Variants in COL4A2 observed in about 807,000 individuals in gnomAD.
The protein encoded by COL4A2 is collagen type IV alpha 2 chain.
Under a neutral mutation model 200.2 loss-of-function variants are expected in COL4A2, and 99 were observed. The ratio of observed to expected loss-of-function variants is 0.49; its 90% CI spans 0.42 to 0.58. COL4A2 has a LOEUF of 0.58. Ranked by LOEUF, COL4A2 falls within the 20% of genes least tolerant of loss-of-function variation. The pLI, the probability that COL4A2 is intolerant of heterozygous loss-of-function variation, is 0.00. For synonymous variants in COL4A2, 897 were observed against 900.6 expected (o/e 1.00, Z 0.07); for missense variants, 1,950 against 2,314.1 (o/e 0.84, Z 3.23).
At position 110,450,324 on chromosome 13, in the gene COL4A2, G is replaced by A. The variant is rs775959840; in HGVS notation, c.1209G>A (p.Pro403=). The change falls in exon 20 of 48, where the codon CCG becomes CCA. Residue 403 remains proline, a synonymous_variant. Coordinates refer to ENST00000360467, the MANE Select transcript of COL4A2 (RefSeq NM_001846.4). ...IGDGDQRRGL[P]GEMGPKGFIG... ...TTTCAGATCAGAGGAGAGGCCTGCC[G>A]GGTGAGATGGGACCCAAGGGCTTCA... is the stretch of plus-strand genomic sequence containing the variant. 69 of 1,613,702 alleles carry A rather than the reference G, an allele frequency of 4.3e-5. No individual in the cohort carries two copies. The highest frequency in any genetic ancestry group is 2.7e-4 in the South Asian group (25 of 91,080).
chr13:110,438,583 G>A (rs1171589340), intron 14 of COL4A2, 35 bp from the exon 15 acceptor site: 2 of 1,614,014 alleles, frequency 1.2e-6, no homozygotes, highest in East Asian at 2.2e-5. Context: ...GGCCGCCCCT[G>A]GGTTGCTCCT....
At chr13:110,461,622 G>C (rs1454155068) in intron 22 of COL4A2, among the ~76,000 whole-genome samples, 2 of 152,188 alleles carry the variant, frequency 1.3e-5, no homozygotes, top group Non-Finnish European at 2.9e-5. Context: ...CCTGTTTCAA[G>C]TGACTCTCCT....
chr13:110,375,976 G>A (rs1457887145), intron 4 of COL4A2, among the ~76,000 whole-genome samples: 1 of 152,106 alleles, frequency 6.6e-6, no homozygotes, highest in African/African-American at 2.4e-5. Flanking sequence ...AGTAAATTAA[G>A]GCTTTGTCAG....
intron 37 of COL4A2, among the ~76,000 whole-genome samples, 184 bp downstream of exon 37, chr13:110,491,524 G>C (rs937582189): frequency 3.3e-5 from 5 of 152,202 alleles, no homozygotes; most frequent in East Asian, 3.8e-4. Flanking sequence ...CACCTGGGCT[G>C]GGGGGAGACC....
At chr13:110,376,489 T>G (rs1484589395) in intron 4 of COL4A2, among the ~76,000 whole-genome samples, 2 of 152,092 alleles carry the variant, frequency 1.3e-5, no homozygotes, top group Admixed American at 6.5e-5. Flanking sequence ...CAAAAAAAAA[T>G]CACTATTTTT....
At chr13:110,439,706 AC>A in intron 15 of COL4A2, 82 bp from the exon 16 acceptor site, 1 of 1,601,172 alleles carries the variant, frequency 6.2e-7, no homozygotes, top group Non-Finnish European at 8.5e-7. Context: ...TGCTGTGATC[AC>A]AGCCAGGTGC....
intron 29 of COL4A2, among the ~76,000 whole-genome samples, chr13:110,477,358 G>T (rs1882741488): frequency 1.3e-5 from 2 of 152,344 alleles, no homozygotes; most frequent in South Asian, 4.1e-4. Context: ...CAGTGCTAAC[G>T]CTCAGTGCTG....
intron 4 of COL4A2, among the ~76,000 whole-genome samples, chr13:110,384,251 G>T (rs1018183549): frequency 6.6e-6 from 1 of 152,202 alleles, no homozygotes; most frequent in Admixed American, 6.5e-5. Context: ...GGAAGACCTG[G>T]AAGGATATTC....
chr13:110,455,002 C>T (rs2139486442), intron 20 of COL4A2, among the ~76,000 whole-genome samples: 1 of 152,290 alleles, frequency 6.6e-6, no homozygotes, highest in Non-Finnish European at 1.5e-5. Context: ...GCTACTCTGC[C>T]TACCTCACCC....
chr13:110,455,784 C>A (rs9521777), intron 20 of COL4A2, among the ~76,000 whole-genome samples: 14,278 of 152,260 alleles, frequency 0.094, 754 homozygotes, highest in Middle Eastern at 0.16. Flanking sequence ...GACTTGCAAA[C>A]TCCCGTGCTC....
Position 110,506,526 on chromosome 13 carries a change from C to A in COL4A2, c.4514C>A (p.Pro1505Gln). Residue 1505 changes from proline (P) to glutamine (Q), a missense_variant, in exon 46 of 48, where the codon CCA becomes CAA. Around this residue, in one of 2 missense-constraint regions of COL4A2, gnomAD observed 1,385 missense variants for 1,720.5 expected, o/e 0.80. Transcript: ENST00000360467. ...HSQTDQEPMC[P>Q]VGMNKLWSGY... ...CAGACGGACCAGGAGCCCATGTGCC[C>A]AGTGGGCATGAACAAACTCTGGAGT... 6.2e-7 allele frequency: 1 copy of A among 1,613,112 alleles called. No individual in the cohort carries two copies. The highest frequency in any genetic ancestry group is 1.1e-5 in the South Asian group (1 of 90,866).
At chr13:110,311,761 T>C (rs771537042) in intron 3 of COL4A2, among the ~76,000 whole-genome samples, 6 of 152,166 alleles carry the variant, frequency 3.9e-5, no homozygotes, top group African/African-American at 7.2e-5. Context: ...AGGGATCAAA[T>C]ATGCAGCCGG....
At chr13:110,371,032 A>G (rs965939896) in intron 4 of COL4A2, among the ~76,000 whole-genome samples, 1 of 152,268 alleles carries the variant, frequency 6.6e-6, no homozygotes, top group African/African-American at 2.4e-5. Flanking sequence ...GAAGGAAATA[A>G]AGTTTAACAA....
chr13:110,443,717 T>C (rs1881220429), intron 16 of COL4A2, among the ~76,000 whole-genome samples: 1 of 152,166 alleles, frequency 6.6e-6, no homozygotes, highest in Admixed American at 6.5e-5. Context: ...GTGAGCTTGC[T>C]AGCAGGAGTA....
At chr13:110,511,078 A>G (rs1040226615) in intron 47 of COL4A2, among the ~76,000 whole-genome samples, 4 of 152,116 alleles carry the variant, frequency 2.6e-5, no homozygotes, top group African/African-American at 7.2e-5. Flanking sequence ...AGATATTTCT[A>G]TTCTAAGTAA....
At chr13:110,377,263 C>T (rs930822044) in intron 4 of COL4A2, among the ~76,000 whole-genome samples, 1 of 152,188 alleles carries the variant, frequency 6.6e-6, no homozygotes, top group Non-Finnish European at 1.5e-5. Context: ...GGTGCCATCT[C>T]TGCCCTTGCT....
chr13:110,505,183 T>C (rs1469133247), intron 45 of COL4A2, among the ~76,000 whole-genome samples: 4 of 151,300 alleles, frequency 2.6e-5, no homozygotes, highest in East Asian at 3.9e-4. Flanking sequence ...ACCCCGTCTC[T>C]ACTAAAAATA....
At chr13:110,328,336 A>G (rs188141734) in intron 3 of COL4A2, 4 of 152,212 alleles carry the variant, frequency 2.6e-5, no homozygotes, top group Non-Finnish European at 5.9e-5. Context: ...TCCAATTCAG[A>G]TATTTTTTCT....
intron 3 of COL4A2, among the ~76,000 whole-genome samples, chr13:110,313,407 C>A (rs904040898): frequency 2.6e-5 from 4 of 152,164 alleles, no homozygotes; most frequent in African/African-American, 9.7e-5. Context: ...TTGATGTGGC[C>A]AGAGAGTGAA....
Sources: gnomAD v4.1 joint callset for allele counts (sites outside exome capture counted in the v4.1 genomes callset) on GRCh38, gnomAD v4.1.1 for gene constraint, gnomAD v4.1.1 regional missense constraint, MANE v1.5 for transcripts, NCBI Gene and HGNC (gene_info 2026-07-23, HGNC 2026-07-21) for gene names.